Variants in CDK1 observed in about 807,000 individuals in gnomAD.
CDK1 encodes the protein cyclin-dependent kinase 1.
Under a neutral mutation model 34.6 loss-of-function variants are expected in CDK1, and 5 were observed. That is an observed-to-expected ratio of 0.14 (90% CI 0.08 to 0.30). The LOEUF is 0.30. Among genes scored for constraint, CDK1 ranks in the 10% least tolerant of loss-of-function variants. CDK1 has a pLI of 1.00. For synonymous variants in CDK1, 108 were observed against 114.7 expected, an observed-to-expected ratio of 0.94 and a Z score of 0.37; for missense variants, 157 against 345.7, an observed-to-expected ratio of 0.45 and a Z score of 4.33.
intron 5 of CDK1, among the ~76,000 whole-genome samples, chr10:60,791,032 A>T (rs1470687422): frequency 6.6e-6 from 1 of 151,998 alleles, no homozygotes; most frequent in Non-Finnish European, 1.5e-5. Context: ...GTTCTATATG[A>T]ATTTTAGGAT....
Position 60,785,704 on chromosome 10 carries a change from A to G in CDK1, c.235A>G (p.Ile79Val). 4 of 1,610,900 alleles carry G rather than the reference A, an allele frequency of 2.5e-6. No individual in the cohort carries two copies. Among genetic ancestry groups the G allele is most frequent in the Non-Finnish European group, 3.4e-6 (4 of 1,177,718 alleles). ...TATGCAGGATTCCAGGTTATATCTCATCTTTGAGTTTCTTTCCATGGATCT... is the reference window on the plus strand; with the variant it reads ...TATGCAGGATTCCAGGTTATATCTCGTCTTTGAGTTTCTTTCCATGGATCT... ...VLMQDSRLYL[I>V]FEFLSMDLKK... is the part of the protein sequence containing the mutation. The change falls in exon 4 of 8, where the codon ATC (isoleucine) becomes GTC (valine). Residue 79 changes from isoleucine to valine, a missense_variant. This residue lies in a region of CDK1 where 2 missense variants were observed against 22.9 expected (regional missense o/e 0.09). Transcript: ENST00000395284.
intron 5 of CDK1, among the ~76,000 whole-genome samples, chr10:60,790,170 T>G (rs559994281): frequency 6.6e-6 from 1 of 152,340 alleles, no homozygotes; most frequent in Middle Eastern, 3.4e-3. Flanking sequence ...TGCAGATTGT[T>G]GCATTATTCT....
chr10:60,793,959 A>C lies in CDK1; in HGVS notation c.878A>C (p.Gln293Pro). The change falls in exon 8 of 8, where the codon CAG (glutamine) becomes CCG (proline). Residue 293 changes from glutamine (Q) to proline (P), a missense_variant. Transcript: ENST00000395284. ...NHPYFNDLDN[Q>P]IKKM ...CCATATTTTAATGATTTGGACAATC[A>C]GATTAAGAAGATGTAGCTTTCTGAC... 6.6e-7 allele frequency: 1 copy of C among 1,519,594 alleles called. No individual in the cohort carries two copies. The highest frequency in any genetic ancestry group is 8.8e-7 in the Non-Finnish European group (1 of 1,133,546). The allele number at this position is 1,519,594 out of a possible 1,614,324, so 94.1% of individuals were successfully genotyped here.
At chr10:60,778,352 T>C (rs961826291), upstream of CDK1, 2 of 152,338 alleles carry the variant, frequency 1.3e-5, no homozygotes, top group South Asian at 4.1e-4. Flanking sequence ...CCTCTTTCTT[T>C]CGCGCTCTAG....
chr10:60,780,332 CAT>C (rs1334943179), intron 2 of CDK1, 130 bp downstream of exon 2: 3 of 638,924 alleles, frequency 4.7e-6, no homozygotes, highest in Non-Finnish European at 8.3e-6. Flanking sequence ...TGTGCATTAA[CAT>C]ATGTTCTTTA....
intron 4 of CDK1, chr10:60,787,050 A>T: frequency 2.0e-6 from 2 of 984,688 alleles, no homozygotes; most frequent in Non-Finnish European, 2.4e-6. Context: ...TGGGATACAG[A>T]TTCTGCTTTA....
chr10:60,790,988 T>C (rs1442583723), intron 5 of CDK1, among the ~76,000 whole-genome samples: 1 of 152,190 alleles, frequency 6.6e-6, no homozygotes, highest in Non-Finnish European at 1.5e-5. Context: ...TTGTTTTTGC[T>C]CAAGATTGGT....
intron 1 of CDK1, among the ~76,000 whole-genome samples, chr10:60,779,155 A>G (rs2080250802): frequency 6.6e-6 from 1 of 151,958 alleles, no homozygotes. Flanking sequence ...AACTCTCATG[A>G]GCAGTGTAGT....
Position 60,794,787 on chromosome 10 carries a change from A to G in CDK1, c.*812A>G, listed in dbSNP as rs1172508472. On this transcript the variant is annotated 3_prime_UTR_variant, in exon 8 of 8. Transcript: ENST00000395284. Reference sequence around the variant, plus strand: ...ACATAGTGTTTATTAGCAGCCATCTAAAAAGGCTCTAATGTATATTTAACT... The same window carrying G: ...ACATAGTGTTTATTAGCAGCCATCTGAAAAGGCTCTAATGTATATTTAACT... The G allele has an allele frequency of 1.3e-5, 2 of 152,132 alleles. No homozygotes were observed. Among genetic ancestry groups the G allele is most frequent in the East Asian group, 3.8e-4 (2 of 5,198 alleles). The allele number at this position is 152,132 out of a possible 1,614,324, so 9.4% of individuals were successfully genotyped here.
chr10:60,788,010 G>T, intron 4 of CDK1, 50 bp from the exon 5 acceptor site: 1 of 929,498 alleles, frequency 1.1e-6, no homozygotes, highest in Non-Finnish European at 1.5e-6. Flanking sequence ...AGATTATTTA[G>T]AAAATCATGT....
chr10:60,779,695 C>G (rs1225358953), intron 1 of CDK1, among the ~76,000 whole-genome samples: 2 of 152,142 alleles, frequency 1.3e-5, no homozygotes, highest in Non-Finnish European at 2.9e-5. Context: ...CATTTTAGTT[C>G]TGTCCTCATA....
intron 5 of CDK1, among the ~76,000 whole-genome samples, chr10:60,789,518 CTTG>C (rs1171888004): frequency 5.3e-5 from 8 of 152,250 alleles, no homozygotes; most frequent in South Asian, 2.1e-4. Context: ...ATGGCTCATC[CTTG>C]TTGTCATAAA....
In CDK1 at chr10:60,786,758, G is replaced by A. The variant is rs369360059; in HGVS notation, c.318+971G>A. ...TCAATCTGTTAACTATGTGAAAAAG[G>A]CATATTAAGATTGTTTTAATTTTAT... On this transcript the variant is annotated intron_variant, in intron 4 of 7. Transcript: ENST00000395284. 11 of 544,684 alleles carry A rather than the reference G, an allele frequency of 2.0e-5. No individual in the cohort carries two copies. In the Admixed American group the frequency reaches 5.7e-4, roughly 28 times the overall value. The allele number at this position is 544,684 out of a possible 1,614,324, so 33.7% of individuals were successfully genotyped here.
chr10:60,789,626 G>T (rs2080342498), intron 5 of CDK1, among the ~76,000 whole-genome samples: 1 of 152,166 alleles, frequency 6.6e-6, no homozygotes, highest in African/African-American at 2.4e-5. Flanking sequence ...CTGTATGTGT[G>T]TATGTATACA....
At position 60,792,244 on chromosome 10, in the gene CDK1, A is replaced by C. The variant is rs1264812052; in HGVS notation, c.750A>C (p.Ala250=). 2 of 1,612,536 alleles carry C rather than the reference A, an allele frequency of 1.2e-6. No individual in the cohort carries two copies. The highest frequency in any genetic ancestry group is 1.7e-6 in the Non-Finnish European group (2 of 1,179,316). Residue 250 remains alanine (A), a synonymous_variant, in exon 7 of 8, where the codon GCA becomes GCC. Transcript: ENST00000395284. ...TFPKWKPGSL[A]SHVKNLDENG... ...CCAAATGGAAACCAGGAAGCCTAGC[A>C]TCCCATGTCAAAAACTTGGATGAAA... is the stretch of plus-strand genomic sequence containing the variant.
rs142424916 is a variant in CDK1, at chr10:60,780,861, T to C, written c.37+659T>C. 8.0e-3 allele frequency among the ~76,000 whole-genome samples: 1,224 copies of C among 152,178 alleles called. 9 individuals carry two copies. The highest frequency in any genetic ancestry group is 0.03 in the South Asian group (143 of 4,824). On this transcript the variant is annotated intron_variant, in intron 2 of 7. Transcript: ENST00000395284. ...TCTCGATTCTCCAGGTACAAAATAATTTGCTAATAGAATCCAGTTTATATA... is the reference window on the plus strand; with the variant it reads ...TCTCGATTCTCCAGGTACAAAATAACTTGCTAATAGAATCCAGTTTATATA...
chr10:60,782,653 G>A (rs1430274885), intron 2 of CDK1, among the ~76,000 whole-genome samples: 1 of 151,952 alleles, frequency 6.6e-6, no homozygotes, highest in Non-Finnish European at 1.5e-5. Flanking sequence ...TTTGTTTCCT[G>A]GGATAAATCT....
At chr10:60,787,454 C>CT (rs1387631220) in intron 4 of CDK1, among the ~76,000 whole-genome samples, 2 of 152,142 alleles carry the variant, frequency 1.3e-5, no homozygotes, top group African/African-American at 4.8e-5. Flanking sequence ...ATCTGTATTA[C>CT]TTTCCAATTT....
intron 7 of CDK1, 64 bp downstream of exon 7, chr10:60,792,353 GT>G: frequency 1.4e-6 from 2 of 1,428,180 alleles, no homozygotes; most frequent in Non-Finnish European, 1.9e-6. Context: ...TCAGTTCTTT[GT>G]TTTGCCTAGA....
Sources: gnomAD v4.1 joint callset for allele counts (sites outside exome capture counted in the v4.1 genomes callset) on GRCh38, gnomAD v4.1.1 for gene constraint, gnomAD v4.1.1 regional missense constraint, MANE v1.5 for transcripts, NCBI Gene and HGNC (gene_info 2026-07-23, HGNC 2026-07-21) for gene names.